KDM4B: variants seen among roughly 807,000 people sequenced by gnomAD.
KDM4B encodes lysine demethylase 4B.
In KDM4B, 32 loss-of-function variants were observed where a neutral mutation model predicts 125.2. The observed-to-expected ratio is 0.26, with a 90% confidence interval of 0.19 to 0.34. The LOEUF (loss-of-function observed/expected upper bound fraction) is 0.34, where lower values mean the gene tolerates loss of function less well. Ranked by LOEUF, KDM4B falls within the 10% of genes least tolerant of loss-of-function variation. The pLI, the probability that KDM4B is intolerant of heterozygous loss-of-function variation, is 1.00. For missense variants in KDM4B, 1,190 were observed against 1,577.7 expected (o/e 0.75, Z 4.16); for synonymous variants, 721 against 677.9 (o/e 1.06, Z -0.99).
intron 1 of KDM4B, among the ~76,000 whole-genome samples, chr19:5,004,746 T>G (rs991855558): frequency 2.0e-5 from 3 of 152,112 alleles, no homozygotes; most frequent in Non-Finnish European, 4.4e-5. Flanking sequence ...TATATTTTAA[T>G]GGTCACAGGT....
chr19:5,137,452 C>T (rs1555720858), intron 16 of KDM4B, 114 bp downstream of exon 16: 13 of 1,242,990 alleles, frequency 1.0e-5, no homozygotes, highest in Non-Finnish European at 1.2e-5. Context: ...GTTCCTTCAC[C>T]TCTGCCCTGA....
chr19:5,065,099 A>G (rs2037727211), intron 6 of KDM4B, among the ~76,000 whole-genome samples: 1 of 152,220 alleles, frequency 6.6e-6, no homozygotes. Flanking sequence ...GGCAGTGCCC[A>G]CAGGCGAAGC....
chr19:5,030,894 C>A (rs1028032366), intron 2 of KDM4B, among the ~76,000 whole-genome samples: 3 of 152,232 alleles, frequency 2.0e-5, no homozygotes, highest in Non-Finnish European at 4.4e-5. Flanking sequence ...TGGCCTCAGG[C>A]CTTTGGCCCG....
At chr19:5,061,461 C>G (rs1824234819) in intron 6 of KDM4B, among the ~76,000 whole-genome samples, 2 of 152,230 alleles carry the variant, frequency 1.3e-5, no homozygotes, top group Admixed American at 1.3e-4. Flanking sequence ...CTGGCAGATC[C>G]TATCTCCCAA....
chr19:5,087,000 G>C (rs2038524166), intron 9 of KDM4B, among the ~76,000 whole-genome samples: 1 of 152,250 alleles, frequency 6.6e-6, no homozygotes, highest in Admixed American at 6.5e-5. Flanking sequence ...CCTCCGGGTG[G>C]AGCTTCCAGG....
chr19:5,104,631 C>T (rs2039001267), intron 9 of KDM4B, among the ~76,000 whole-genome samples: 1 of 152,166 alleles, frequency 6.6e-6, no homozygotes, highest in Non-Finnish European at 1.5e-5. Flanking sequence ...GGGAACGCCA[C>T]TTCCAGGATT....
intron 1 of KDM4B, among the ~76,000 whole-genome samples, chr19:5,002,236 G>A (rs1034194572): frequency 2.6e-5 from 4 of 152,214 alleles, no homozygotes; most frequent in Admixed American, 6.5e-5. Context: ...GACCTCAGGT[G>A]ATTCACCGGC....
At chr19:5,131,018 TG>T in intron 11 of KDM4B, 57 bp from the exon 12 acceptor site, 1 of 1,286,766 alleles carries the variant, frequency 7.8e-7, no homozygotes, top group Non-Finnish European at 1.1e-6. Flanking sequence ...CTGGGGAGCG[TG>T]GGACCAGCAC....
chr19:5,119,897 C>T, intron 11 of KDM4B, 45 bp downstream of exon 11: 1 of 1,537,944 alleles, frequency 6.5e-7, no homozygotes. Flanking sequence ...TTTTCCCACC[C>T]CCGTGGGCAT....
rs562725876 is a variant in KDM4B, at chr19:5,014,521, C to T, written c.-108-1736C>T. 4.6e-5 allele frequency among the ~76,000 whole-genome samples: 7 copies of T among 152,048 alleles called. No homozygotes were observed. In the South Asian group the frequency reaches 6.2e-4, roughly 14 times the overall value. On this transcript the variant is annotated intron_variant, in intron 1 of 22. Transcript: ENST00000159111. ...CGATCTCCTGACCTTGTGATCCACCCGCCTCGGCCTCCCAAAGTGCTGGGA... is the reference window on the plus strand; with the variant it reads ...CGATCTCCTGACCTTGTGATCCACCTGCCTCGGCCTCCCAAAGTGCTGGGA...
At position 5,065,800 on chromosome 19, in the gene KDM4B, G is replaced by T. The variant is rs10418341; in HGVS notation, c.627-5210G>T. On this transcript the variant is annotated intron_variant, in intron 6 of 22. Coordinates refer to ENST00000159111, the MANE Select transcript of KDM4B (RefSeq NM_015015.3). Reference sequence around the variant, plus strand: ...CTCTGCACGGCCGGGGGCTTCTGGGGCCCATGGCAAAGGTTCGCCCACCCG... The same window carrying T: ...CTCTGCACGGCCGGGGGCTTCTGGGTCCCATGGCAAAGGTTCGCCCACCCG... Among the ~76,000 whole-genome samples the T allele has an allele frequency of 5.1e-3, 776 of 152,314 alleles. 11 individuals are homozygous for T. The highest frequency in any genetic ancestry group is 0.017 in the African/African-American group (722 of 41,584).
chr19:5,025,452 A>C (rs2036249261), intron 2 of KDM4B, among the ~76,000 whole-genome samples: 1 of 152,242 alleles, frequency 6.6e-6, no homozygotes, highest in Non-Finnish European at 1.5e-5. Flanking sequence ...TGGGGTACCC[A>C]TGGGGGTTGC....
At chr19:5,145,396 C>T (rs970399232) in intron 21 of KDM4B, among the ~76,000 whole-genome samples, 2 of 152,044 alleles carry the variant, frequency 1.3e-5, no homozygotes, top group Admixed American at 6.6e-5. Flanking sequence ...GCCTGGCCAA[C>T]ATGGTGAAAC....
At position 5,131,357 on chromosome 19, in the gene KDM4B, C is replaced by T. The variant is rs752347519; in HGVS notation, c.1597C>T (p.Pro533Ser). 7 of 1,612,080 alleles carry T rather than the reference C, an allele frequency of 4.3e-6. No homozygotes were observed. The highest frequency in any genetic ancestry group is 5.1e-6 in the Non-Finnish European group (6 of 1,179,818). The stretch of plus-strand genomic sequence containing the variant: ...CATCATCCCCATGCTGTACGTGGTG[C>T]CGCGGCCGGGCAAGGCAGCCTTCAA... ...RPIIPMLYVV[P>S]RPGKAAFNQE... is the part of the protein sequence containing the mutation. The change falls in exon 12 of 23, where the codon CCG becomes TCG. Residue 533 changes from proline to serine, a missense_variant. By Grantham distance (74) the Pro-to-Ser change is moderately conservative. Coordinates refer to ENST00000159111, the MANE Select transcript of KDM4B (RefSeq NM_015015.3).
chr19:5,003,955 T>G (rs1174754131), intron 1 of KDM4B, among the ~76,000 whole-genome samples: 1 of 152,196 alleles, frequency 6.6e-6, no homozygotes, highest in East Asian at 1.9e-4. Flanking sequence ...GGTCGGATGC[T>G]CAGCCGCTTG....
chr19:5,149,797 G>A (rs1304485958), intron 21 of KDM4B, among the ~76,000 whole-genome samples: 1 of 152,268 alleles, frequency 6.6e-6, no homozygotes, highest in Admixed American at 6.5e-5. Flanking sequence ...AGCTGGGGAG[G>A]CTGGAAGGGG....
At chr19:5,088,195 G>A (rs1446817003) in intron 9 of KDM4B, among the ~76,000 whole-genome samples, 2 of 152,216 alleles carry the variant, frequency 1.3e-5, no homozygotes, top group East Asian at 1.9e-4. Flanking sequence ...AGGGCCCATC[G>A]TTTTCAGGGT....
chr19:4,989,766 C>T (rs771843860), intron 1 of KDM4B, among the ~76,000 whole-genome samples: 8 of 152,158 alleles, frequency 5.3e-5, no homozygotes, highest in Non-Finnish European at 1.2e-4. Context: ...GATTCTCCTG[C>T]CTCAGCCTCC....
chr19:5,117,601 C>G (rs867653346), intron 10 of KDM4B, among the ~76,000 whole-genome samples: 3 of 152,204 alleles, frequency 2.0e-5, no homozygotes, highest in Middle Eastern at 6.3e-3. Context: ...GGCAGGCACC[C>G]AGCATTTGCC....
Sources: gnomAD v4.1 joint callset for allele counts (sites outside exome capture counted in the v4.1 genomes callset) on GRCh38, gnomAD v4.1.1 for gene constraint, MANE v1.5 for transcripts, NCBI Gene and HGNC (gene_info 2026-07-23, HGNC 2026-07-21) for gene names.